Variants in POU6F2 observed in about 807,000 individuals in gnomAD.
POU6F2 encodes POU domain, class 6, transcription factor 2.
In POU6F2, 31 loss-of-function variants were observed where a neutral mutation model predicts 71.3. That is an observed-to-expected ratio of 0.43 (90% CI 0.33 to 0.59). The LOEUF is 0.59. Ranked by LOEUF, POU6F2 falls within the 20% of genes least tolerant of loss-of-function variation. POU6F2 has a pLI of 0.04. For missense variants in POU6F2, 783 were observed against 856.8 expected (o/e 0.91, Z 1.07); for synonymous variants, 347 against 355.7 (o/e 0.98, Z 0.27).
At chr7:39,127,798 A>T (rs1249127405) in intron 2 of POU6F2, among the ~76,000 whole-genome samples, 2 of 147,308 alleles carry the variant, frequency 1.4e-5, no homozygotes, top group Admixed American at 1.4e-4. Context: ...CATGATTAGG[A>T]TTTAAATTTA....
chr7:39,188,367 C>T (rs775738074), intron 2 of POU6F2, among the ~76,000 whole-genome samples: 2 of 152,120 alleles, frequency 1.3e-5, no homozygotes, highest in Non-Finnish European at 2.9e-5. Flanking sequence ...GGCTGGAGTG[C>T]AGTGGCATAA....
rs150639322 is a variant in POU6F2 at position 38,983,096 on chromosome 7, C to G, written c.105+5038C>G. 2.6e-3 allele frequency among the ~76,000 whole-genome samples: 392 copies of G among 152,232 alleles called. 2 individuals are homozygous for G. The highest frequency in any genetic ancestry group is 9.1e-3 in the African/African-American group (380 of 41,562). ...CATTGTGATATTGTACAAGCTGTTACTCTTTTCTAATGCTTGATTGAGTAG... is the reference window on the plus strand; with the variant it reads ...CATTGTGATATTGTACAAGCTGTTAGTCTTTTCTAATGCTTGATTGAGTAG... On this transcript the variant is annotated intron_variant, in intron 1 of 9. Coordinates refer to ENST00000518318, the MANE Select transcript of POU6F2 (RefSeq NM_001370959.1).
chr7:39,218,992 C>T (rs958039612), intron 4 of POU6F2, among the ~76,000 whole-genome samples: 1 of 152,042 alleles, frequency 6.6e-6, no homozygotes, highest in Non-Finnish European at 1.5e-5. Flanking sequence ...AGGGAAGGAG[C>T]ACCATTCTTC....
intron 7 of POU6F2, among the ~76,000 whole-genome samples, chr7:39,447,029 GA>G (rs1370852764): frequency 3.3e-5 from 5 of 152,104 alleles, no homozygotes; most frequent in African/African-American, 1.2e-4. Context: ...CAGATAACTA[GA>G]ATTAATTATA....
chr7:39,379,609 T>C (rs1168525068), intron 5 of POU6F2, among the ~76,000 whole-genome samples: 2 of 152,216 alleles, frequency 1.3e-5, no homozygotes, highest in Non-Finnish European at 2.9e-5. Flanking sequence ...CACCCAGTTT[T>C]GTGATCCTGC....
intron 2 of POU6F2, among the ~76,000 whole-genome samples, chr7:39,089,681 CT>C (rs1209993551): frequency 6.6e-6 from 1 of 152,152 alleles, no homozygotes; most frequent in East Asian, 1.9e-4. Flanking sequence ...GCATCAACAA[CT>C]TGGTCGGGAA....
intron 5 of POU6F2, among the ~76,000 whole-genome samples, chr7:39,397,832 A>G (rs577967346): frequency 1.3e-3 from 196 of 146,074 alleles, no homozygotes; most frequent in African/African-American, 4.8e-3. Context: ...ATATATATAT[A>G]TAGTAGAGAC....
intron 5 of POU6F2, among the ~76,000 whole-genome samples, chr7:39,367,229 A>T (rs925122782): frequency 6.6e-6 from 1 of 152,226 alleles, no homozygotes; most frequent in African/African-American, 2.4e-5. Context: ...AAATATTCAT[A>T]TATATTTAAA....
At chr7:39,036,821 A>G (rs1457000194) in intron 1 of POU6F2, among the ~76,000 whole-genome samples, 1 of 151,896 alleles carries the variant, frequency 6.6e-6, no homozygotes, top group Non-Finnish European at 1.5e-5. Flanking sequence ...TTTAATTCAC[A>G]GTGTCCTAGT....
chr7:39,349,040 G>A (rs1583542601), intron 5 of POU6F2, among the ~76,000 whole-genome samples: 1 of 152,286 alleles, frequency 6.6e-6, no homozygotes, highest in East Asian at 1.9e-4. Flanking sequence ...TGTGGGGTCA[G>A]CACAACTAAA....
At chr7:39,096,752 A>G (rs1445688748) in intron 2 of POU6F2, among the ~76,000 whole-genome samples, 1 of 152,258 alleles carries the variant, frequency 6.6e-6, no homozygotes, top group Non-Finnish European at 1.5e-5. Flanking sequence ...GCCTAGAAAA[A>G]AAAAATGACT....
intron 2 of POU6F2, among the ~76,000 whole-genome samples, chr7:39,185,654 T>C (rs1328802764): frequency 1.3e-5 from 2 of 152,064 alleles, no homozygotes; most frequent in African/African-American, 2.4e-5. Flanking sequence ...AAATAATTCC[T>C]TGTTTAACCA....
intron 4 of POU6F2, among the ~76,000 whole-genome samples, chr7:39,253,441 A>C (rs1477601743): frequency 6.6e-6 from 1 of 152,234 alleles, no homozygotes; most frequent in Non-Finnish European, 1.5e-5. Context: ...TTTGTAAAAT[A>C]ACAGCAATAA....
chr7:39,052,157 G>C (rs1174257835), intron 1 of POU6F2, among the ~76,000 whole-genome samples: 1 of 152,060 alleles, frequency 6.6e-6, no homozygotes, highest in Non-Finnish European at 1.5e-5. Context: ...TTTCCAGTGT[G>C]ACAGGAGCCA....
chr7:39,199,396 ACT>A (rs1793849535), intron 2 of POU6F2, among the ~76,000 whole-genome samples: 1 of 152,152 alleles, frequency 6.6e-6, no homozygotes, highest in Non-Finnish European at 1.5e-5. Context: ...ACAATTCAAA[ACT>A]CTGTGCAAGA....
intron 5 of POU6F2, among the ~76,000 whole-genome samples, chr7:39,403,920 G>A (rs1380097391): frequency 2.6e-5 from 4 of 152,198 alleles, no homozygotes; most frequent in Non-Finnish European, 2.9e-5. Flanking sequence ...ACCACACTCC[G>A]TGACTGTGGT....
At chr7:39,217,755 T>G (rs549792079) in intron 4 of POU6F2, among the ~76,000 whole-genome samples, 1 of 152,306 alleles carries the variant, frequency 6.6e-6, no homozygotes, top group African/African-American at 2.4e-5. Flanking sequence ...TTGGCAGTTT[T>G]TCAAACCTCT....
At chr7:39,434,851 T>C (rs1334711362) in intron 7 of POU6F2, among the ~76,000 whole-genome samples, 1 of 152,122 alleles carries the variant, frequency 6.6e-6, no homozygotes, top group East Asian at 1.9e-4. Context: ...TTCTCAATGT[T>C]CAACTCCCCG....
At chr7:39,099,521 A>G (rs1791526050) in intron 2 of POU6F2, among the ~76,000 whole-genome samples, 1 of 152,230 alleles carries the variant, frequency 6.6e-6, no homozygotes, top group African/African-American at 2.4e-5. Context: ...TTTGTGACCT[A>G]ATCAGGGTAA....
Sources: gnomAD v4.1 joint callset for allele counts (sites outside exome capture counted in the v4.1 genomes callset) on GRCh38, gnomAD v4.1.1 for gene constraint, MANE v1.5 for transcripts, NCBI Gene and HGNC (gene_info 2026-07-23, HGNC 2026-07-21) for gene names.